The following DGKB variants were observed in gnomAD, a reference collection of about 807,000 sequenced individuals.
DGKB encodes 90 kDa diacylglycerol kinase.
A neutral mutation model predicts 114.3 loss-of-function variants in DGKB; 67 were observed. The ratio of observed to expected loss-of-function variants is 0.59; its 90% CI spans 0.48 to 0.72. The LOEUF is 0.72. Ranked by LOEUF, DGKB falls within the 30% of genes least tolerant of loss-of-function variation. DGKB has a pLI of 0.00. For missense variants in DGKB, 907 were observed against 975.2 expected (o/e 0.93, Z 0.93); for synonymous variants, 398 against 323.1 (o/e 1.23, Z -2.49).
chr7:14,505,800 T>G (rs1047419596), intron 20 of DGKB, among the ~76,000 whole-genome samples: 2 of 152,200 alleles, frequency 1.3e-5, no homozygotes, highest in Admixed American at 6.5e-5. Flanking sequence ...TTCTTTACCA[T>G]GTCCTCATGT....
chr7:14,947,119 T>A (rs943604963), intron 1 of DGKB, among the ~76,000 whole-genome samples: 1 of 151,646 alleles, frequency 6.6e-6, no homozygotes, highest in East Asian at 1.9e-4. Context: ...ATCAAGGACA[T>A]TTACTAGGAA....
intron 1 of DGKB, among the ~76,000 whole-genome samples, chr7:14,945,372 T>C (rs1785814838): frequency 6.6e-6 from 1 of 151,902 alleles, no homozygotes; most frequent in Non-Finnish European, 1.5e-5. Context: ...TGTCCTGTTC[T>C]AGTTCGTGAA....
intron 25 of DGKB, 159 bp downstream of exon 25, chr7:14,176,680 A>T (rs150718298): frequency 1.4e-6 from 2 of 1,442,934 alleles, no homozygotes; most frequent in Non-Finnish European, 1.8e-6. Flanking sequence ...CTACAACCTA[A>T]ATGTAGTGGC....
chr7:14,470,601 A>T (rs1444691601), intron 21 of DGKB, among the ~76,000 whole-genome samples: 1 of 151,846 alleles, frequency 6.6e-6, no homozygotes. Flanking sequence ...AATTCCTACA[A>T]ATGTGATTCT....
At position 14,379,169 on chromosome 7, in the gene DGKB, A is replaced by G. The variant is rs1563059063; in HGVS notation, c.1836-33778T>C. 7.9e-5 allele frequency among the ~76,000 whole-genome samples: 12 copies of G among 152,202 alleles called. No homozygotes were observed. In the South Asian group the frequency reaches 2.5e-3, roughly 32 times the overall value. The stretch of plus-strand genomic sequence containing the variant: ...TTCATTTTCTAAATTTGTTATTTGT[A>G]AATGGAATTCATTTCTCTGGCTTCA... On this transcript the variant is annotated intron_variant, in intron 21 of 25. Coordinates refer to ENST00000402815, the MANE Select transcript of DGKB (RefSeq NM_001350709.2).
At chr7:14,234,228 T>C (rs1055897853) in intron 23 of DGKB, among the ~76,000 whole-genome samples, 1 of 152,080 alleles carries the variant, frequency 6.6e-6, no homozygotes, top group African/African-American at 2.4e-5. Context: ...ACAAACACAG[T>C]TGCATGAACC....
At chr7:14,738,106 G>C (rs1223187223) in intron 4 of DGKB, among the ~76,000 whole-genome samples, 2 of 152,184 alleles carry the variant, frequency 1.3e-5, no homozygotes, top group Non-Finnish European at 2.9e-5. Context: ...CCTTGAAAAG[G>C]AACACCTACT....
At chr7:14,577,439 A>C (rs1799305440) in intron 19 of DGKB, among the ~76,000 whole-genome samples, 1 of 152,108 alleles carries the variant, frequency 6.6e-6, no homozygotes, top group Non-Finnish European at 1.5e-5. Flanking sequence ...AACACGGTGA[A>C]ACCCTGTCTC....
rs142358180 is a variant in DGKB, at chr7:14,759,126, C to T, written c.71-1395G>A. On this transcript the variant is annotated intron_variant, in intron 2 of 25. Transcript: ENST00000402815. ...TTTTAGTAGAGACAGGGTTTCACCA[C>T]GTTGGCCAGGCTGGTGTCGAACCCC... is the stretch of plus-strand genomic sequence containing the variant. Among the ~76,000 whole-genome samples the T allele has an allele frequency of 7.2e-3, 1,091 of 152,122 alleles. 16 individuals are homozygous for T. Among genetic ancestry groups the T allele is most frequent in the African/African-American group, 0.026 (1,062 of 41,502 alleles).
chr7:14,893,487 TA>T (rs1562833565), intron 1 of DGKB, among the ~76,000 whole-genome samples: 1 of 151,404 alleles, frequency 6.6e-6, no homozygotes, highest in Non-Finnish European at 1.5e-5. Context: ...GATTTGTTCC[TA>T]AAATTACCTC....
intron 1 of DGKB, among the ~76,000 whole-genome samples, chr7:14,923,427 T>C (rs1784604413): frequency 6.6e-6 from 1 of 152,200 alleles, no homozygotes; most frequent in African/African-American, 2.4e-5. Flanking sequence ...TTATATGCTT[T>C]TGTGATTTTT....
intron 21 of DGKB, among the ~76,000 whole-genome samples, chr7:14,361,178 G>C (rs1280222013): frequency 3.3e-5 from 5 of 151,892 alleles, no homozygotes; most frequent in African/African-American, 9.7e-5. Flanking sequence ...TTCCAATTCT[G>C]TAACAAGAAG....
intron 12 of DGKB, among the ~76,000 whole-genome samples, chr7:14,674,715 G>A (rs534231445): frequency 6.6e-6 from 1 of 151,948 alleles, no homozygotes; most frequent in Non-Finnish European, 1.5e-5. Context: ...ACGGCACAGA[G>A]AGGAGAAGTC....
At chr7:14,302,443 A>G (rs946473498) in intron 23 of DGKB, among the ~76,000 whole-genome samples, 1 of 151,938 alleles carries the variant, frequency 6.6e-6, no homozygotes, top group African/African-American at 2.4e-5. Flanking sequence ...AGATCATATT[A>G]CTCTGTATTG....
chr7:14,898,859 C>T (rs770882671), intron 1 of DGKB, among the ~76,000 whole-genome samples: 8 of 152,092 alleles, frequency 5.3e-5, no homozygotes, highest in African/African-American at 1.4e-4. Context: ...CTATAGTGAT[C>T]GGCATATTGC....
Position 14,726,577 on chromosome 7 carries a change from T to A in DGKB, c.323-7892A>T, listed in dbSNP as rs554316028. On this transcript the variant is annotated intron_variant, in intron 5 of 25. Coordinates refer to ENST00000402815, the MANE Select transcript of DGKB (RefSeq NM_001350709.2). ...AGACTCTTAAGGGTGGATACATTGA[T>A]TAAATCATAAACATTTGAAAGAAAA... 7.9e-5 allele frequency among the ~76,000 whole-genome samples: 12 copies of A among 152,340 alleles called. 1 individual carries two copies. The South Asian group carries it at 2.5e-3, about 32-fold the overall frequency.
At chr7:14,884,640 G>A (rs765950425) in intron 1 of DGKB, among the ~76,000 whole-genome samples, 1 of 151,914 alleles carries the variant, frequency 6.6e-6, no homozygotes, top group Non-Finnish European at 1.5e-5. Context: ...GAAACCTTCA[G>A]AGGGGAAAAA....
chr7:14,830,924 T>C (rs113002523), intron 2 of DGKB, among the ~76,000 whole-genome samples: 1 of 151,954 alleles, frequency 6.6e-6, no homozygotes, highest in Non-Finnish European at 1.5e-5. Context: ...TGCACATGTG[T>C]GTGCATGTGT....
chr7:14,877,278 G>T (rs780056699), intron 1 of DGKB, among the ~76,000 whole-genome samples: 5 of 152,090 alleles, frequency 3.3e-5, no homozygotes, highest in Non-Finnish European at 7.4e-5. Context: ...TTTTATGGCC[G>T]GGTGTGGTGG....
Sources: allele counts gnomAD v4.1 joint callset (sites outside exome capture counted in the v4.1 genomes callset), GRCh38; gene constraint gnomAD v4.1.1; transcripts MANE v1.5; gene names NCBI Gene and HGNC (gene_info 2026-07-23, HGNC 2026-07-21).